XCR1: variants seen among roughly 807,000 people sequenced by gnomAD.
The protein encoded by XCR1 is X-C motif chemokine receptor 1, also known as chemokine XC receptor 1.
For synonymous variants in XCR1, 187 were observed against 188.5 expected, an observed-to-expected ratio of 0.99 and a Z score of 0.06; for missense variants, 356 against 424.2, an observed-to-expected ratio of 0.84 and a Z score of 1.41.
chr3:46,020,702 C>T lies in XCR1; in HGVS notation c.*244G>A. 1 of 564,670 alleles carries T rather than the reference C, an allele frequency of 1.8e-6. No homozygotes were observed. Among genetic ancestry groups the T allele is most frequent in the Non-Finnish European group, 3.1e-6 (1 of 320,196 alleles). 35.0% of individuals were successfully genotyped at this position (564,670 alleles called of 1,614,324 possible). ...TAAATGAAGGAGCGTGCAAGATGAA[C>T]TCAGAGTTCAAGAAATGTTTTTTTG... On this transcript the variant is annotated 3_prime_UTR_variant, in exon 2 of 2. Coordinates refer to ENST00000309285, the MANE Select transcript of XCR1 (RefSeq NM_001024644.2).
chr3:46,043,389 C>T (rs1034516944), intron 5 of XCR1, among the ~76,000 whole-genome samples: 5 of 151,574 alleles, frequency 3.3e-5, no homozygotes, highest in Admixed American at 6.6e-5. Context: ...TGCAGTGAGC[C>T]GAGATCACAC....
At chr3:46,052,368 C>T (rs1011356793) in intron 5 of XCR1, among the ~76,000 whole-genome samples, 1 of 152,168 alleles carries the variant, frequency 6.6e-6, no homozygotes, top group Non-Finnish European at 1.5e-5. Flanking sequence ...AGGCCCCCGT[C>T]TCATTTCCCA....
rs77959251 is a variant in XCR1 at position 46,020,704 on chromosome 3, C to G, written c.*242G>C. 1.8e-6 allele frequency: 1 copy of G among 567,456 alleles called. No homozygotes were observed. The highest frequency in any genetic ancestry group is 2.9e-5 in the East Asian group (1 of 33,984). 35.2% of individuals were successfully genotyped at this position (567,456 alleles called of 1,614,324 possible). ...AATGAAGGAGCGTGCAAGATGAACT[C>G]AGAGTTCAAGAAATGTTTTTTTGGA... is the stretch of plus-strand genomic sequence containing the variant. On this transcript the variant is annotated 3_prime_UTR_variant, in exon 2 of 2. Coordinates refer to ENST00000309285, the MANE Select transcript of XCR1 (RefSeq NM_001024644.2).
At chr3:46,074,341 T>G (rs1397273588) in intron 3 of XCR1, among the ~76,000 whole-genome samples, 5 of 150,658 alleles carry the variant, frequency 3.3e-5, no homozygotes, top group Non-Finnish European at 5.9e-5. Flanking sequence ...GAGGTCATTA[T>G]CTTAAGTAAA....
chr3:46,047,924 C>A (rs1406723368), intron 5 of XCR1, among the ~76,000 whole-genome samples: 1 of 152,148 alleles, frequency 6.6e-6, no homozygotes, highest in South Asian at 2.1e-4. Flanking sequence ...GGGGTAGGAA[C>A]TATTGAAGGG....
intron 5 of XCR1, among the ~76,000 whole-genome samples, chr3:46,035,230 G>T (rs909177665): frequency 5.3e-5 from 8 of 152,138 alleles, no homozygotes; most frequent in South Asian, 2.1e-4. Context: ...CGGGATTACA[G>T]GCGTGAGCCA....
At chr3:46,084,250 A>C (rs1157388358) in intron 1 of XCR1, among the ~76,000 whole-genome samples, 1 of 152,220 alleles carries the variant, frequency 6.6e-6, no homozygotes, top group Non-Finnish European at 1.5e-5. Context: ...ACAAGGGACA[A>C]GCTGGCACTC....
In XCR1 at chr3:46,019,173, C is replaced by G. The variant is rs771795555; in HGVS notation, c.*1773G>C. On this transcript the variant is annotated 3_prime_UTR_variant, in exon 2 of 2. Transcript: ENST00000309285. ...TCTCTCTACTACTACACCCTACTCT[C>G]TTTCTACTACTCTCTGAGAGTGTAG... The G allele has an allele frequency of 6.6e-6, 1 of 152,194 alleles. No individual in the cohort carries two copies. The highest frequency in any genetic ancestry group is 2.4e-5 in the African/African-American group (1 of 41,452). The allele number at this position is 152,194 out of a possible 1,614,324, so 9.4% of individuals were successfully genotyped here.
In XCR1 at chr3:46,020,879, C is replaced by G; in HGVS notation, c.*67G>C. The G allele has an allele frequency of 6.5e-7, 1 of 1,547,676 alleles. No individual in the cohort carries two copies. The highest frequency in any genetic ancestry group is 8.7e-7 in the Non-Finnish European group (1 of 1,149,898). Reference sequence around the variant, plus strand: ...TGTTCTGCAATGCTCCTTCCAGGCCCGCTTCTCCATGACCCCCATTCCAGT... The same window carrying G: ...TGTTCTGCAATGCTCCTTCCAGGCCGGCTTCTCCATGACCCCCATTCCAGT... On this transcript the variant is annotated 3_prime_UTR_variant, in exon 2 of 2. Transcript: ENST00000309285.
At chr3:46,026,556 A>T (rs1407411040) in intron 1 of XCR1, among the ~76,000 whole-genome samples, 1 of 151,530 alleles carries the variant, frequency 6.6e-6, no homozygotes, top group Non-Finnish European at 1.5e-5. Flanking sequence ...TACTCAAAGT[A>T]TGGTTCCCAG....
chr3:46,023,872 A>C (rs1056084609), intron 1 of XCR1: 39 of 1,526,522 alleles, frequency 2.6e-5, no homozygotes, highest in Non-Finnish European at 3.3e-5. Flanking sequence ...TGAAAGATTA[A>C]GGAAAGAAAA....
At chr3:46,070,789 C>T (rs1406163826) in intron 3 of XCR1, among the ~76,000 whole-genome samples, 1 of 151,758 alleles carries the variant, frequency 6.6e-6, no homozygotes, top group Non-Finnish European at 1.5e-5. Flanking sequence ...TGATATGTGA[C>T]ATTTTGTTCC....
In XCR1 at chr3:46,021,336, G is replaced by A; in HGVS notation, c.612C>T (p.Cys204=). The A allele has an allele frequency of 6.2e-7, 1 of 1,614,220 alleles. No homozygotes were observed. Among genetic ancestry groups the A allele is most frequent in the South Asian group, 1.1e-5 (1 of 91,086 alleles). Residue 204 remains cysteine, a synonymous_variant, in exon 2 of 2, where the codon TGC becomes TGT. Transcript: ENST00000309285. This position sits in a 1 kb window ranked among gnomAD's most constrained non-coding sequence, Gnocchi z 4.7. The stretch of plus-strand genomic sequence containing the variant: ...ACAGGGTCCTGAGGATCTCCACGTA[G>A]CAGAACAGGATAATCCCCAGGGACA... ...FLLSLGIILF[C]YVEILRTLFR...
At chr3:46,064,696 G>C (rs1425466889) in intron 4 of XCR1, among the ~76,000 whole-genome samples, 2 of 152,196 alleles carry the variant, frequency 1.3e-5, no homozygotes, top group Non-Finnish European at 2.9e-5. Flanking sequence ...ATGCAGGAAT[G>C]GTAGATGGTT....
chr3:46,054,840 A>T (rs1697823300), intron 4 of XCR1, among the ~76,000 whole-genome samples: 1 of 152,322 alleles, frequency 6.6e-6, no homozygotes, highest in South Asian at 2.1e-4. Context: ...CAGGCATCTC[A>T]TTGGTTTGTG....
At position 46,021,217 on chromosome 3, in the gene XCR1, G is replaced by A. The variant is rs1158539445; in HGVS notation, c.731C>T (p.Thr244Ile). Reference sequence around the variant, plus strand: ...CCGAAACAGCGTCTGCAGAAACAGGGTGAAGTTGTAGGGACCCCAGCTGAG... The same window carrying A: ...CCGAAACAGCGTCTGCAGAAACAGGATGAAGTTGTAGGGACCCCAGCTGAG... The part of the protein sequence containing the change: ...YFLSWGPYNF[T>I]LFLQTLFRTQ... The change falls in exon 2 of 2, where the codon ACC (threonine) becomes ATC (isoleucine). Residue 244 changes from threonine to isoleucine, a missense_variant. Thr to Ile is a moderately conservative substitution (Grantham distance 89, BLOSUM62 -1). Coordinates refer to ENST00000309285, the MANE Select transcript of XCR1 (RefSeq NM_001024644.2). This position sits in a 1 kb window ranked among gnomAD's most constrained non-coding sequence, Gnocchi z 4.7. The A allele has an allele frequency of 6.2e-7, 1 of 1,614,226 alleles. No individual in the cohort carries two copies. Among genetic ancestry groups the A allele is most frequent in the Non-Finnish European group, 8.5e-7 (1 of 1,180,028 alleles).
chr3:46,029,524 T>A (rs1243618478), upstream of XCR1, among the ~76,000 whole-genome samples: 1 of 152,216 alleles, frequency 6.6e-6, no homozygotes, highest in Non-Finnish European at 1.5e-5. Flanking sequence ...GGCCATTCAG[T>A]GTTAAAAGAA....
intron 5 of XCR1, among the ~76,000 whole-genome samples, chr3:46,040,065 T>G (rs989060993): frequency 1.3e-5 from 2 of 152,210 alleles, no homozygotes; most frequent in African/African-American, 2.4e-5. Context: ...TGGTTTTCTC[T>G]TTTGAACACA....
chr3:46,064,947 C>T (rs926730099), intron 4 of XCR1, among the ~76,000 whole-genome samples: 8 of 152,144 alleles, frequency 5.3e-5, no homozygotes, highest in Admixed American at 1.3e-4. Flanking sequence ...CAAGATTAGC[C>T]GGGTGTGGTG....
Sources: gnomAD v4.1 joint callset for allele counts (sites outside exome capture counted in the v4.1 genomes callset) on GRCh38, gnomAD v4.1.1 for gene constraint, Gnocchi (gnomAD v3.1) non-coding constraint, MANE v1.5 for transcripts, NCBI Gene and HGNC (gene_info 2026-07-23, HGNC 2026-07-21) for gene names.